RSU1: variants seen among roughly 807,000 people sequenced by gnomAD.
The protein encoded by RSU1 is rsu-1.
In RSU1, 26 loss-of-function variants were observed where a neutral mutation model predicts 31.1. The ratio of observed to expected loss-of-function variants is 0.84; its 90% confidence interval spans 0.61 to 1.16. RSU1 has a LOEUF of 1.16. Ranked by LOEUF, RSU1 falls within the 50% of genes most tolerant of loss-of-function variation. The probability of loss-of-function intolerance (pLI) is 0.00; values close to 1 mark genes in which losing one functional copy is unlikely to be tolerated. For missense variants in RSU1, 320 were observed against 339.1 expected (o/e 0.94, Z 0.44); for synonymous variants, 164 against 136.3 (o/e 1.20, Z -1.41).
Position 16,805,337 on chromosome 10 carries a change from T to C in RSU1, c.109+11636A>G, listed in dbSNP as rs549693198. Among the ~76,000 whole-genome samples the C allele has an allele frequency of 4.1e-4, 62 of 152,328 alleles. 2 individuals are homozygous for C. The South Asian group carries it at 0.012, about 30-fold the overall frequency. On this transcript the variant is annotated intron_variant, in intron 2 of 8. Coordinates refer to ENST00000345264, the MANE Select transcript of RSU1 (RefSeq NM_012425.4). ...AGGAGAGACGTGGATCTGTACTTCC[T>C]GCTCCAGCTCTCTGTGAATCGAAAA...
intron 8 of RSU1, among the ~76,000 whole-genome samples, chr10:16,633,854 C>T (rs1834298317): frequency 6.6e-6 from 1 of 152,268 alleles, no homozygotes; most frequent in Admixed American, 6.5e-5. Context: ...ATCTCACAAC[C>T]CCTGGACCCC....
chr10:16,625,279 TTC>T (rs1404124194), intron 8 of RSU1, among the ~76,000 whole-genome samples: 1 of 152,096 alleles, frequency 6.6e-6, no homozygotes, highest in East Asian at 1.9e-4. Context: ...TGGGAAGAGC[TTC>T]TGTCTCGTGG....
chr10:16,657,145 A>G (rs1834799447), intron 8 of RSU1, among the ~76,000 whole-genome samples: 1 of 152,220 alleles, frequency 6.6e-6, no homozygotes, highest in Non-Finnish European at 1.5e-5. Flanking sequence ...CAGGAGCCAC[A>G]TTAACCTCTC....
At chr10:16,651,084 T>C (rs978317488) in intron 8 of RSU1, among the ~76,000 whole-genome samples, 20 of 152,352 alleles carry the variant, frequency 1.3e-4, no homozygotes, top group African/African-American at 4.8e-4. Context: ...GATCTGCACA[T>C]GAATTTTTAC....
intron 8 of RSU1, among the ~76,000 whole-genome samples, chr10:16,624,417 G>C (rs1437559247): frequency 6.6e-6 from 1 of 151,976 alleles, no homozygotes; most frequent in Non-Finnish European, 1.5e-5. Context: ...CTCCTCCTGA[G>C]AGCCCAGTTC....
chr10:16,718,547 G>T (rs1836190510), intron 7 of RSU1, among the ~76,000 whole-genome samples: 1 of 152,096 alleles, frequency 6.6e-6, no homozygotes, highest in Admixed American at 6.6e-5. Context: ...GGAGAGCCAG[G>T]TCCCCTAGCC....
At chr10:16,659,172 C>T (rs1242468238) in intron 8 of RSU1, among the ~76,000 whole-genome samples, 1 of 152,078 alleles carries the variant, frequency 6.6e-6, no homozygotes, top group African/African-American at 2.4e-5. Context: ...ATCTTTTCAA[C>T]TTATTAATGG....
rs945054697 is a variant in RSU1 at position 16,595,969 on chromosome 10, G to GA, written c.732-2474dup. Among the ~76,000 whole-genome samples the GA allele has an allele frequency of 5.7e-3, 837 of 147,008 alleles. 9 individuals are homozygous for GA. Among genetic ancestry groups the GA allele is most frequent in the African/African-American group, 0.019 (747 of 40,276 alleles). On this transcript the variant is annotated intron_variant, in intron 8 of 8. Coordinates refer to ENST00000345264, the MANE Select transcript of RSU1 (RefSeq NM_012425.4). ...GGCAACAGAGTGAGACTCTGTCTCA[G>GA]AAAAAAAAAAATCTGCTCCATGAAA...
At chr10:16,689,432 G>A (rs1308019896) in intron 8 of RSU1, among the ~76,000 whole-genome samples, 1 of 152,224 alleles carries the variant, frequency 6.6e-6, no homozygotes, top group Non-Finnish European at 1.5e-5. Context: ...TGACTCAGCA[G>A]TCACTAGAGG....
intron 3 of RSU1, chr10:16,767,467 A>G (rs1837336839): frequency 6.6e-6 from 1 of 152,244 alleles, no homozygotes; most frequent in Non-Finnish European, 1.5e-5. Flanking sequence ...GAACGCAAAC[A>G]ATAACCCCAT....
chr10:16,816,642 GGAA>G (rs1430581910), intron 2 of RSU1, among the ~76,000 whole-genome samples: 3 of 152,196 alleles, frequency 2.0e-5, no homozygotes, highest in Non-Finnish European at 2.9e-5. Flanking sequence ...TTAGGAGACA[GGAA>G]GAAGGACTCA....
chr10:16,745,948 T>A (rs3780986), intron 7 of RSU1, among the ~76,000 whole-genome samples: 21,545 of 152,208 alleles, frequency 0.14, 1,769 homozygotes, highest in African/African-American at 0.23. Context: ...AGGGACTTAA[T>A]TGACCAAACA....
chr10:16,689,031 A>C lies in RSU1; in HGVS notation c.731+5992T>G, dbSNP rs143972948. Among the ~76,000 whole-genome samples the C allele has an allele frequency of 6.9e-3, 1,050 of 151,286 alleles. 9 individuals carry two copies. The highest frequency in any genetic ancestry group is 0.031 in the Middle Eastern group (9 of 292). On this transcript the variant is annotated intron_variant, in intron 8 of 8. Transcript: ENST00000345264. ...CCTAAGGAAAAAAAAAAAAAGCTTT[A>C]AAGAAAAACAGTTCTTCATTTTCAT...
intron 7 of RSU1, among the ~76,000 whole-genome samples, chr10:16,727,788 C>T (rs1836428042): frequency 6.6e-6 from 1 of 152,160 alleles, no homozygotes; most frequent in African/African-American, 2.4e-5. Context: ...GATGACAAGT[C>T]GTGCTATTTA....
chr10:16,762,381 A>T (rs1176503186), intron 4 of RSU1, among the ~76,000 whole-genome samples: 5 of 151,630 alleles, frequency 3.3e-5, no homozygotes, highest in Admixed American at 6.6e-5. Context: ...ATACATCTAT[A>T]TGTAGTTTTA....
chr10:16,658,323 C>T (rs1284698735), intron 8 of RSU1, among the ~76,000 whole-genome samples: 1 of 152,184 alleles, frequency 6.6e-6, no homozygotes, highest in African/African-American at 2.4e-5. Flanking sequence ...TGGTATCCAT[C>T]TGGGATGCAG....
chr10:16,770,569 T>C (rs1837405253), intron 3 of RSU1, among the ~76,000 whole-genome samples: 3 of 152,216 alleles, frequency 2.0e-5, no homozygotes, highest in Non-Finnish European at 4.4e-5. Flanking sequence ...CCAAAGGATG[T>C]TTTCAGAGCT....
chr10:16,657,690 G>A (rs17421802), intron 8 of RSU1, among the ~76,000 whole-genome samples: 29,581 of 152,034 alleles, frequency 0.19, 3,537 homozygotes, highest in South Asian at 0.37. Flanking sequence ...ACCCATTATC[G>A]TCAAATTCTG....
chr10:16,664,330 C>T (rs201025214), intron 8 of RSU1, among the ~76,000 whole-genome samples: 4 of 152,288 alleles, frequency 2.6e-5, no homozygotes, highest in South Asian at 4.2e-4. Context: ...ATGGCTCTAG[C>T]TCTGCGACAG....
Sources: allele counts gnomAD v4.1 joint callset (sites outside exome capture counted in the v4.1 genomes callset), GRCh38; gene constraint gnomAD v4.1.1; transcripts MANE v1.5; gene names NCBI Gene and HGNC (gene_info 2026-07-23, HGNC 2026-07-21).